Variants in DGKI observed in about 807,000 individuals in gnomAD.
DGKI encodes diacylglycerol kinase iota.
In DGKI, 55 loss-of-function variants were observed where a neutral mutation model predicts 147.5. That is an observed-to-expected ratio of 0.37 (90% CI 0.30 to 0.47). The LOEUF is 0.47. DGKI is among the 20% of genes least tolerant of loss of function. DGKI has a pLI of 1.00. For synonymous variants in DGKI, 469 were observed against 477.1 expected, an observed-to-expected ratio of 0.98 and a Z score of 0.22; for missense variants, 1,007 against 1,323.8, an observed-to-expected ratio of 0.76 and a Z score of 3.71.
intron 30 of DGKI, among the ~76,000 whole-genome samples, chr7:137,404,258 C>G (rs748533742): frequency 6.6e-6 from 1 of 151,986 alleles, no homozygotes; most frequent in Non-Finnish European, 1.5e-5. Flanking sequence ...AAAAACAAAA[C>G]GACAGTTGAG....
At chr7:137,638,319 C>T (rs1189733153) in intron 6 of DGKI, among the ~76,000 whole-genome samples, 1 of 150,766 alleles carries the variant, frequency 6.6e-6, no homozygotes, top group East Asian at 2.0e-4. Flanking sequence ...CATGTTCCTC[C>T]TCCAATTTTT....
At chr7:137,825,717 T>TAC (rs373579420) in intron 1 of DGKI, among the ~76,000 whole-genome samples, 60 of 150,402 alleles carry the variant, frequency 4.0e-4, no homozygotes, top group African/African-American at 1.3e-3. Flanking sequence ...CTCACACACA[T>TAC]ACACACACAC....
At chr7:137,622,458 T>C (rs1820784757) in intron 7 of DGKI, among the ~76,000 whole-genome samples, 1 of 152,122 alleles carries the variant, frequency 6.6e-6, no homozygotes, top group South Asian at 2.1e-4. Context: ...AATAGGGACA[T>C]TGAGAAATTA....
intron 12 of DGKI, among the ~76,000 whole-genome samples, chr7:137,592,011 C>T (rs934857340): frequency 3.9e-5 from 6 of 152,186 alleles, no homozygotes; most frequent in African/African-American, 1.4e-4. Context: ...GAAACAAATA[C>T]ACACTTACAA....
intron 3 of DGKI, among the ~76,000 whole-genome samples, chr7:137,664,377 CAAAAAAAA>C (rs1190186766): frequency 2.0e-4 from 11 of 56,074 alleles, no homozygotes; most frequent in African/African-American, 3.4e-4. Flanking sequence ...GACTCCATCT[CAAAAAAAA>C]AAAAAAAAAA....
chr7:137,790,600 T>C (rs192446720), intron 1 of DGKI, among the ~76,000 whole-genome samples: 1 of 152,302 alleles, frequency 6.6e-6, no homozygotes, highest in African/African-American at 2.4e-5. Flanking sequence ...TTCTACCAAT[T>C]TGCAAACTTG....
At chr7:137,396,450 C>T (rs1040532219) in intron 31 of DGKI, among the ~76,000 whole-genome samples, 38 of 152,174 alleles carry the variant, frequency 2.5e-4, no homozygotes, top group African/African-American at 8.2e-4. Flanking sequence ...CCCAAAGGCA[C>T]CAAGATGCTT....
chr7:137,423,251 C>T (rs1443458725), intron 28 of DGKI, among the ~76,000 whole-genome samples: 1 of 152,196 alleles, frequency 6.6e-6, no homozygotes, highest in Non-Finnish European at 1.5e-5. Context: ...GCCTGTAGCT[C>T]TGGTGACTGT....
chr7:137,467,042 G>T, intron 24 of DGKI, 100 bp from the exon 25 acceptor site: 2 of 1,140,356 alleles, frequency 1.8e-6, no homozygotes, highest in Non-Finnish European at 2.6e-6. Context: ...CCCCTACATG[G>T]CAGTCATGCT....
At chr7:137,808,538 G>A (rs1288260645) in intron 1 of DGKI, among the ~76,000 whole-genome samples, 1 of 152,152 alleles carries the variant, frequency 6.6e-6, no homozygotes, top group Non-Finnish European at 1.5e-5. Context: ...TCTGGCAGAA[G>A]ATTACAGAAC....
rs186779396 is a variant in DGKI at position 137,442,757 on chromosome 7, C to A, written c.2761+1320G>T. On this transcript the variant is annotated intron_variant, in intron 28 of 32. Coordinates refer to ENST00000614521, the MANE Select transcript of DGKI (RefSeq NM_001321708.2). ...CAGTAGAAGAGGCCAGCCTAAAACT[C>A]CTTCTCCCTTTTCTTAATTCATTCA... 4.2e-4 allele frequency among the ~76,000 whole-genome samples: 64 copies of A among 152,338 alleles called. No homozygotes were observed. In the East Asian group the frequency reaches 0.011, roughly 27 times the overall value.
intron 32 of DGKI, among the ~76,000 whole-genome samples, chr7:137,393,802 G>GA (rs1277359774): frequency 2.0e-5 from 3 of 152,178 alleles, no homozygotes; most frequent in African/African-American, 7.2e-5. Flanking sequence ...GGGTTGCCAG[G>GA]AAAGTGGAGA....
chr7:137,446,031 G>C (rs1000838257), intron 27 of DGKI, among the ~76,000 whole-genome samples: 1 of 152,284 alleles, frequency 6.6e-6, no homozygotes, highest in Admixed American at 6.5e-5. Context: ...TTTCCTCCTG[G>C]TGTTTGCTGA....
intron 1 of DGKI, among the ~76,000 whole-genome samples, chr7:137,746,825 C>G (rs999459063): frequency 6.6e-6 from 1 of 151,994 alleles, no homozygotes; most frequent in Non-Finnish European, 1.5e-5. Context: ...ATCAACTCAG[C>G]CTTATCGTGT....
At chr7:137,412,571 T>C (rs1812203361) in intron 28 of DGKI, among the ~76,000 whole-genome samples, 1 of 152,206 alleles carries the variant, frequency 6.6e-6, no homozygotes, top group African/African-American at 2.4e-5. Context: ...GAGCAGGTTG[T>C]AACTTAGTAG....
chr7:137,767,471 G>GGAAGAGAAGAGAAGAAAAGA (rs1796046613), intron 1 of DGKI, among the ~76,000 whole-genome samples: 1 of 89,616 alleles, frequency 1.1e-5, no homozygotes, highest in Non-Finnish European at 2.1e-5. Flanking sequence ...AGAAGAGAAG[G>GGAAGAGAAGAGAAGAAAAGA]GAAGAGAAGA....
intron 27 of DGKI, 70 bp from the exon 28 acceptor site, chr7:137,444,172 T>C (rs1813621119): frequency 4.1e-6 from 4 of 972,680 alleles, no homozygotes; most frequent in East Asian, 5.8e-5. Context: ...AATAATTTCA[T>C]AGTAATTTTA....
intron 1 of DGKI, among the ~76,000 whole-genome samples, chr7:137,737,523 A>AC (rs1215117620): frequency 6.6e-6 from 1 of 151,900 alleles, no homozygotes; most frequent in Non-Finnish European, 1.5e-5. Context: ...AAAAAAAAAA[A>AC]AAGTTAAGTT....
At chr7:137,486,240 T>C (rs1815553611) in intron 22 of DGKI, among the ~76,000 whole-genome samples, 1 of 152,112 alleles carries the variant, frequency 6.6e-6, no homozygotes, top group Non-Finnish European at 1.5e-5. Context: ...TATTGGTGCA[T>C]TAAGCATGCT....
Sources: gnomAD v4.1 joint callset for allele counts (sites outside exome capture counted in the v4.1 genomes callset) on GRCh38, gnomAD v4.1.1 for gene constraint, MANE v1.5 for transcripts, NCBI Gene and HGNC (gene_info 2026-07-23, HGNC 2026-07-21) for gene names.